Variants in KANSL1L observed in about 807,000 individuals in gnomAD.
The protein encoded by KANSL1L is KAT8 regulatory NSL complex subunit 1-like protein.
In KANSL1L, 25 loss-of-function variants were observed where a neutral mutation model predicts 108.6. That is an observed-to-expected ratio of 0.23 (90% confidence interval 0.17 to 0.32). The LOEUF (loss-of-function observed/expected upper bound fraction) is 0.32. KANSL1L is among the 10% of genes least tolerant of loss of function. The pLI is 1.00. For synonymous variants in KANSL1L, 405 were observed against 395.1 expected (o/e 1.03, Z -0.30); for missense variants, 1,137 against 1,125.7 (o/e 1.01, Z -0.14).
chr2:210,023,121 A>C lies in KANSL1L; in HGVS notation c.2792T>G (p.Leu931Ter), dbSNP rs376574464. 1.2e-6 allele frequency: 2 copies of C among 1,614,010 alleles called. No individual in the cohort carries two copies. The highest frequency in any genetic ancestry group is 1.7e-5 in the Admixed American group (1 of 60,018). The change falls in exon 15 of 15, where the codon TTA (leucine) becomes TGA (stop). Residue 931 changes from leucine to a stop codon, truncating the protein, a stop_gained. Coordinates refer to ENST00000281772, the MANE Select transcript of KANSL1L (RefSeq NM_152519.4). LOFTEE classifies it high-confidence loss of function. ...CTGATCCTTTTTTTCATCTTGACAT[A>C]ATAAGGCTGCCATGTCTTCACCCTT... ...PLKGEDMAAL[L>*]CQDEKKDQVE...
chr2:210,150,246 G>T (rs955235124), intron 2 of KANSL1L, among the ~76,000 whole-genome samples: 3 of 152,030 alleles, frequency 2.0e-5, no homozygotes, highest in African/African-American at 7.2e-5. Flanking sequence ...TTTCAAACCA[G>T]AACCCAATTT....
At chr2:210,130,326 TA>T (rs1408631882) in intron 2 of KANSL1L, among the ~76,000 whole-genome samples, 3 of 152,298 alleles carry the variant, frequency 2.0e-5, no homozygotes, top group Non-Finnish European at 2.9e-5. Flanking sequence ...AAAACTGCTC[TA>T]AAAAATAGTT....
intron 8 of KANSL1L, chr2:210,035,145 A>G (rs2094083427): frequency 6.6e-6 from 1 of 152,118 alleles, no homozygotes; most frequent in Admixed American, 6.5e-5. Flanking sequence ...AATTTCAACT[A>G]TTCATTGCAG....
chr2:210,150,052 G>C (rs764748891), intron 2 of KANSL1L, among the ~76,000 whole-genome samples: 8 of 152,062 alleles, frequency 5.3e-5, no homozygotes, highest in Non-Finnish European at 1.0e-4. Context: ...TGCAGGTGGG[G>C]CTTTAATAAC....
chr2:210,029,967 TC>T, intron 9 of KANSL1L, 49 bp from the exon 10 acceptor site: 11 of 841,080 alleles, frequency 1.3e-5, no homozygotes, highest in Non-Finnish European at 2.1e-5. Context: ...AAGTCTAATA[TC>T]ATTAGAATTA....
rs551115458 is a variant in KANSL1L at position 210,031,516 on chromosome 2, C to A, written c.2060G>T (p.Gly687Val). Residue 687 changes from glycine (G) to valine (V), a missense_variant, in exon 9 of 15, where the codon GGA becomes GTA. By Grantham distance (109) the Gly-to-Val change is moderately radical. Transcript: ENST00000281772. The stretch of plus-strand genomic sequence containing the variant: ...TTGAGGCTTACATATAGGTGAATAT[C>A]CATTTCTCCATTGATTCAGAGTACT... Reference protein sequence around the residue: ...VHSTLNQWRNGYSPICKPQIR... With the variant: ...VHSTLNQWRNVYSPICKPQIR... The A allele has an allele frequency of 1.5e-4, 229 of 1,549,300 alleles. No individual in the cohort carries two copies. The highest frequency in any genetic ancestry group is 2.0e-4 in the Non-Finnish European group (225 of 1,127,174).
chr2:210,038,612 A>G (rs2094133101), intron 8 of KANSL1L, among the ~76,000 whole-genome samples: 1 of 151,992 alleles, frequency 6.6e-6, no homozygotes, highest in Non-Finnish European at 1.5e-5. Context: ...TTCATTTTTA[A>G]CATTTAACTT....
At position 210,044,819 on chromosome 2, in the gene KANSL1L, G is replaced by C. The variant is rs1334826626; in HGVS notation, c.1756-715C>G. 1.3e-5 allele frequency among the ~76,000 whole-genome samples: 2 copies of C among 151,944 alleles called. No homozygotes were observed. The highest frequency in any genetic ancestry group is 1.9e-4 in the East Asian group (1 of 5,180). On this transcript the variant is annotated intron_variant, in intron 6 of 14. Transcript: ENST00000281772. This position sits in a 1 kb window ranked among gnomAD's most constrained non-coding sequence, Gnocchi z 4.2. ...CAGTCTCGCTCTGTTGCTCAGACTAGAGTGCAGTGGCAGGATCTCGGCTCA... is the reference window on the plus strand; with the variant it reads ...CAGTCTCGCTCTGTTGCTCAGACTACAGTGCAGTGGCAGGATCTCGGCTCA...
chr2:210,084,918 T>TC (rs2094623860), intron 5 of KANSL1L, among the ~76,000 whole-genome samples: 1 of 152,168 alleles, frequency 6.6e-6, no homozygotes, highest in Admixed American at 6.5e-5. Context: ...CCTTTTTTTT[T>TC]CTCTTTTATT....
At chr2:210,039,132 A>G (rs1183187270) in intron 8 of KANSL1L, among the ~76,000 whole-genome samples, 1 of 151,966 alleles carries the variant, frequency 6.6e-6, no homozygotes, top group African/African-American at 2.4e-5. Context: ...GTAATTGGCT[A>G]TTCAACATTT....
intron 5 of KANSL1L, chr2:210,079,700 G>GTATATATATA (rs796956187): frequency 1.3e-5 from 1 of 75,774 alleles, no homozygotes; most frequent in African/African-American, 6.6e-5. Context: ...ATGTATGTGT[G>GTATATATATA]TATATATATA....
At chr2:210,100,604 A>T (rs955342438) in intron 4 of KANSL1L, among the ~76,000 whole-genome samples, 1 of 152,088 alleles carries the variant, frequency 6.6e-6, no homozygotes, top group Non-Finnish European at 1.5e-5. Flanking sequence ...TGCCATACCT[A>T]CCACTTAACT....
chr2:210,089,397 T>C (rs372860960), intron 5 of KANSL1L, among the ~76,000 whole-genome samples: 7 of 152,202 alleles, frequency 4.6e-5, no homozygotes, highest in African/African-American at 1.7e-4. Flanking sequence ...ATATACATAT[T>C]AGGTTGGATT....
chr2:210,122,212 C>T (rs966470596), intron 3 of KANSL1L, among the ~76,000 whole-genome samples: 11 of 151,994 alleles, frequency 7.2e-5, no homozygotes, highest in Non-Finnish European at 1.5e-4. Flanking sequence ...CCACAAAAGA[C>T]CCAGAATAGC....
intron 2 of KANSL1L, among the ~76,000 whole-genome samples, chr2:210,137,925 G>A (rs1302200251): frequency 6.6e-6 from 1 of 152,118 alleles, no homozygotes; most frequent in East Asian, 1.9e-4. Flanking sequence ...CAGATACTTG[G>A]GAGGCTGAGT....
intron 1 of KANSL1L, among the ~76,000 whole-genome samples, chr2:210,164,365 A>G (rs2095376115): frequency 6.6e-6 from 1 of 152,184 alleles, no homozygotes; most frequent in African/African-American, 2.4e-5. Context: ...AGCTTTCTAA[A>G]AAGCACCTGG....
intron 6 of KANSL1L, among the ~76,000 whole-genome samples, chr2:210,074,946 C>T (rs941554994): frequency 1.3e-5 from 2 of 152,056 alleles, no homozygotes; most frequent in African/African-American, 4.8e-5. Flanking sequence ...TTTAGAAGTA[C>T]ACTAAAGGAA....
chr2:210,103,033 C>G (rs1296806379), intron 4 of KANSL1L, among the ~76,000 whole-genome samples: 1 of 152,118 alleles, frequency 6.6e-6, no homozygotes, highest in Non-Finnish European at 1.5e-5. Context: ...CTTATTGAGG[C>G]ACTATTCACA....
chr2:210,023,241 C>A, intron 14 of KANSL1L, 62 bp from the exon 15 acceptor site: 1 of 1,149,156 alleles, frequency 8.7e-7, no homozygotes, highest in Non-Finnish European at 1.3e-6. Context: ...ATTCATCTAA[C>A]AAGTAATCTG....
Sources: allele counts gnomAD v4.1 joint callset (sites outside exome capture counted in the v4.1 genomes callset), GRCh38; gene constraint gnomAD v4.1.1; non-coding constraint Gnocchi (gnomAD v3.1); transcripts MANE v1.5; gene names NCBI Gene and HGNC (gene_info 2026-07-23, HGNC 2026-07-21).